Variants in FILIP1L observed in about 807,000 individuals in gnomAD.
The protein encoded by FILIP1L is filamin A interacting protein 1 like, also known as filamin A-interacting protein 1-like.
Under a neutral mutation model 96.6 loss-of-function variants are expected in FILIP1L, and 55 were observed. The observed-to-expected ratio is 0.57, with a 90% CI of 0.46 to 0.71. The LOEUF is 0.71. FILIP1L is among the 30% of genes least tolerant of loss of function. The pLI, the probability that FILIP1L is intolerant of heterozygous loss-of-function variation, is 0.00. For missense variants in FILIP1L, 1,304 were observed against 1,321.2 expected, an observed-to-expected ratio of 0.99 and a Z score of 0.20; for synonymous variants, 467 against 473.9, an observed-to-expected ratio of 0.99 and a Z score of 0.19.
At chr3:99,954,291 C>A (rs1273307710) in intron 1 of FILIP1L, among the ~76,000 whole-genome samples, 1 of 152,232 alleles carries the variant, frequency 6.6e-6, no homozygotes, top group Non-Finnish European at 1.5e-5. Context: ...CTCTCTGATA[C>A]CCCATCCTGC....
rs1242670416 is a variant in FILIP1L at position 99,983,462 on chromosome 3, GTGTATATATATATATA to G, written c.-10-52448_-10-52433del. 2.8e-3 allele frequency among the ~76,000 whole-genome samples: 33 copies of G among 11,982 alleles called. 2 individuals are homozygous for G. Among genetic ancestry groups the G allele is most frequent in the African/African-American group, 5.9e-3 (27 of 4,612 alleles). 7.9% of individuals were successfully genotyped at this position (11,982 alleles called of 152,430 possible). ...TATATGTATGTATATATATATATGTGTGTATATATATATATATATATATATATATATATATATATAT... is the reference window on the plus strand; with the variant it reads ...TATATGTATGTATATATATATATGTGTATATATATATATATATATATATAT... On this transcript the variant is annotated intron_variant, in intron 1 of 5. Coordinates refer to ENST00000477258, the MANE Select transcript of FILIP1L (RefSeq NM_001387850.1).
intron 1 of FILIP1L, among the ~76,000 whole-genome samples, chr3:100,003,653 T>C (rs900282758): frequency 2.0e-5 from 3 of 152,076 alleles, no homozygotes; most frequent in African/African-American, 7.2e-5. Flanking sequence ...ACTCGAGAAG[T>C]TTTTGCAAGA....
chr3:100,100,016 A>G (rs1359107897), intron 1 of FILIP1L, among the ~76,000 whole-genome samples: 1 of 152,242 alleles, frequency 6.6e-6, no homozygotes, highest in Non-Finnish European at 1.5e-5. Context: ...CACAGTTGTC[A>G]AAGTCCTTAT....
chr3:99,957,117 C>T (rs1708342179), intron 1 of FILIP1L, among the ~76,000 whole-genome samples: 1 of 152,088 alleles, frequency 6.6e-6, no homozygotes, highest in Admixed American at 6.6e-5. Flanking sequence ...TATGTTTGTA[C>T]ATTTATTTTT....
rs1448218348 is a variant in FILIP1L at position 100,079,568 on chromosome 3, T to C, written c.-11+34485A>G. On this transcript the variant is annotated intron_variant, in intron 1 of 5. Coordinates refer to ENST00000477258, the MANE Select transcript of FILIP1L (RefSeq NM_001387850.1). ...AGTAGATTTTTTATTTTTGAATAGATACAGTCAGTGTCACTTTTGATTATT... is the reference window on the plus strand; with the variant it reads ...AGTAGATTTTTTATTTTTGAATAGACACAGTCAGTGTCACTTTTGATTATT... Among the ~76,000 whole-genome samples, 3 of 152,226 alleles carry C rather than the reference T, an allele frequency of 2.0e-5. No individual in the cohort carries two copies. In the East Asian group the frequency reaches 5.8e-4, roughly 29 times the overall value.
At chr3:99,887,235 C>G (rs1705930635) in intron 4 of FILIP1L, among the ~76,000 whole-genome samples, 1 of 151,856 alleles carries the variant, frequency 6.6e-6, no homozygotes, top group African/African-American at 2.4e-5. Context: ...CCATTGCACT[C>G]CAGTCTGGGC....
intron 1 of FILIP1L, among the ~76,000 whole-genome samples, chr3:100,016,294 G>A (rs938770184): frequency 6.6e-6 from 1 of 152,196 alleles, no homozygotes; most frequent in African/African-American, 2.4e-5. Flanking sequence ...CTGGGTTCAA[G>A]TGATTCTCCT....
chr3:99,983,688 T>TC (rs1272648022), intron 1 of FILIP1L, among the ~76,000 whole-genome samples: 1 of 139,954 alleles, frequency 7.1e-6, no homozygotes, highest in Non-Finnish European at 1.5e-5. Context: ...AGACTCAGTC[T>TC]CAAAAAAAAA....
At chr3:99,931,244 T>C (rs1707473906) in intron 1 of FILIP1L, among the ~76,000 whole-genome samples, 2 of 152,158 alleles carry the variant, frequency 1.3e-5, no homozygotes, top group Admixed American at 1.3e-4. Context: ...TAAAAAAAGG[T>C]GTTCTGTCTT....
intron 1 of FILIP1L, among the ~76,000 whole-genome samples, chr3:100,007,703 A>G (rs1576636786): frequency 6.6e-6 from 1 of 152,240 alleles, no homozygotes; most frequent in Non-Finnish European, 1.5e-5. Flanking sequence ...GATGGAAGCT[A>G]CAGTATCGTG....
intron 4 of FILIP1L, among the ~76,000 whole-genome samples, chr3:99,867,483 G>A (rs996310437): frequency 2.0e-5 from 3 of 152,126 alleles, no homozygotes; most frequent in Admixed American, 1.3e-4. Flanking sequence ...CTAATTCACA[G>A]CTAAAAACAA....
At chr3:99,890,006 G>C (rs1706033739) in intron 4 of FILIP1L, among the ~76,000 whole-genome samples, 1 of 151,854 alleles carries the variant, frequency 6.6e-6, no homozygotes, top group South Asian at 2.1e-4. Context: ...TTTTATTCCA[G>C]ACTTCTCTCT....
chr3:99,942,677 T>A (rs564896558), intron 1 of FILIP1L, among the ~76,000 whole-genome samples: 17 of 151,806 alleles, frequency 1.1e-4, no homozygotes, highest in Non-Finnish European at 2.1e-4. Context: ...ACTAAAAATA[T>A]AACTAGCCGG....
intron 1 of FILIP1L, among the ~76,000 whole-genome samples, chr3:99,974,565 C>T (rs541186182): frequency 1.1e-4 from 16 of 152,018 alleles, no homozygotes; most frequent in African/African-American, 2.2e-4. Context: ...CAAAATTAGC[C>T]GGGTGGTGGT....
chr3:99,927,737 T>C (rs1440654433), intron 3 of FILIP1L, among the ~76,000 whole-genome samples: 4 of 152,200 alleles, frequency 2.6e-5, no homozygotes, highest in Non-Finnish European at 5.9e-5. Context: ...TTTTTAAAAT[T>C]AAGTTCTGAT....
At chr3:99,952,139 G>A (rs7632345) in intron 1 of FILIP1L, among the ~76,000 whole-genome samples, 5 of 151,578 alleles carry the variant, frequency 3.3e-5, no homozygotes, top group Admixed American at 6.6e-5. Flanking sequence ...GTTAAGAGTC[G>A]CACAGACCAC....
At chr3:100,069,001 C>G (rs879840347) in intron 1 of FILIP1L, among the ~76,000 whole-genome samples, 2 of 152,216 alleles carry the variant, frequency 1.3e-5, no homozygotes, top group Non-Finnish European at 1.5e-5. Context: ...TTCTGCTCCA[C>G]AAACCCAGAT....
chr3:100,111,102 G>A (rs2066483374), intron 1 of FILIP1L, among the ~76,000 whole-genome samples: 1 of 152,010 alleles, frequency 6.6e-6, no homozygotes, highest in African/African-American at 2.4e-5. Context: ...CCAAAAAGAA[G>A]AAGAAAAAGG....
Position 100,086,291 on chromosome 3 carries a change from G to T in FILIP1L, c.-11+27762C>A, listed in dbSNP as rs555094962. ...GTCATTCAGTACCACAGAAGAAAGG[G>T]ACAGAAAAGCCACGAAGTTAGTTGT... On this transcript the variant is annotated intron_variant, in intron 1 of 5. Coordinates refer to ENST00000477258, the MANE Select transcript of FILIP1L (RefSeq NM_001387850.1). Among the ~76,000 whole-genome samples the T allele has an allele frequency of 4.0e-4, 61 of 152,290 alleles. 3 individuals carry two copies. In the South Asian group the frequency reaches 0.012, roughly 31 times the overall value.
Sources: gnomAD v4.1 joint callset for allele counts (sites outside exome capture counted in the v4.1 genomes callset) on GRCh38, gnomAD v4.1.1 for gene constraint, MANE v1.5 for transcripts, NCBI Gene and HGNC (gene_info 2026-07-23, HGNC 2026-07-21) for gene names.